BLTP1: variants seen among roughly 807,000 people sequenced by gnomAD.
The protein encoded by BLTP1 is bridge-like lipid transfer protein family member 1, also known as fragile site-associated protein.
the BLTP1 span, chr4:122,257,431 G>A: frequency 7.4e-6 from 12 of 1,613,916 alleles, no homozygotes; most frequent in South Asian, 5.5e-5. Context: ...GACTTGGATT[G>A]GACAATGGGG....
the BLTP1 span, among the ~76,000 whole-genome samples, chr4:122,213,268 C>G: frequency 1.3e-5 from 2 of 152,076 alleles, no homozygotes; most frequent in African/African-American, 4.8e-5. Flanking sequence ...CAAACTTCTT[C>G]CTGGCCTCAA....
At chr4:122,164,220 T>C in the BLTP1 span, among the ~76,000 whole-genome samples, 2 of 152,306 alleles carry the variant, frequency 1.3e-5, no homozygotes, top group African/African-American at 4.8e-5. Context: ...GAGACACCTA[T>C]ACCTTGGCCA....
At chr4:122,321,415 C>CAT in the BLTP1 span, among the ~76,000 whole-genome samples, 4 of 151,872 alleles carry the variant, frequency 2.6e-5, no homozygotes, top group African/African-American at 7.3e-5. Flanking sequence ...TGCGTGTGCA[C>CAT]ATATATACAC....
At chr4:122,342,039 G>A in the BLTP1 span, among the ~76,000 whole-genome samples, 3 of 152,204 alleles carry the variant, frequency 2.0e-5, no homozygotes, top group African/African-American at 7.2e-5. Context: ...GCCAACTCAT[G>A]TGGGAAAGCC....
the BLTP1 span, chr4:122,316,320 A>T: frequency 3.0e-5 from 13 of 432,688 alleles, 1 homozygote; most frequent in South Asian, 1.9e-4. Context: ...AAATTTTTTT[A>T]AATTTAATAT....
At chr4:122,345,579 A>C in the BLTP1 span, among the ~76,000 whole-genome samples, 1 of 148,082 alleles carries the variant, frequency 6.8e-6, no homozygotes, top group Admixed American at 6.7e-5. Context: ...AAAGCTGATA[A>C]AATAGGACCT....
At chr4:122,327,758 C>T in the BLTP1 span, 4 of 154,950 alleles carry the variant, frequency 2.6e-5, no homozygotes, top group African/African-American at 7.2e-5. Flanking sequence ...CATGCTCTTC[C>T]ATCACTAATT....
the BLTP1 span, among the ~76,000 whole-genome samples, chr4:122,324,822 A>T: frequency 6.6e-6 from 1 of 151,966 alleles, no homozygotes; most frequent in South Asian, 2.1e-4. Flanking sequence ...AGGATAGACA[A>T]GTTTTATGCG....
chr4:122,239,566 A>T, the BLTP1 span: 7 of 1,613,676 alleles, frequency 4.3e-6, no homozygotes, highest in Non-Finnish European at 5.9e-6. Flanking sequence ...AATACTCAGG[A>T]TAAGTCAGTA....
At chr4:122,220,536 A>G in the BLTP1 span, 7 of 1,335,390 alleles carry the variant, frequency 5.2e-6, no homozygotes, top group East Asian at 1.5e-4. Context: ...GGGTTAAAAC[A>G]ATGTATTAGC....
the BLTP1 span, chr4:122,239,962 A>C: frequency 6.2e-7 from 1 of 1,614,148 alleles, no homozygotes; most frequent in Non-Finnish European, 8.5e-7. Context: ...CAGCAGATTG[A>C]CTACAGTAGG....
the BLTP1 span, chr4:122,220,175 A>G: frequency 6.0e-6 from 2 of 333,316 alleles, no homozygotes; most frequent in Middle Eastern, 1.5e-3. Context: ...TAACGATCCT[A>G]CTGAGGTACA....
chr4:122,283,921 A>G, the BLTP1 span, among the ~76,000 whole-genome samples: 102 of 152,320 alleles, frequency 6.7e-4, no homozygotes, highest in Middle Eastern at 3.4e-3. Flanking sequence ...ACTAAACAAT[A>G]TTCAACCTTC....
At chr4:122,200,951 G>C in the BLTP1 span, 3 of 1,582,602 alleles carry the variant, frequency 1.9e-6, no homozygotes, top group South Asian at 1.2e-5. Context: ...TTCTAATGCT[G>C]TTCACACAGT....
chr4:122,258,698 C>T, the BLTP1 span: 1 of 1,611,784 alleles, frequency 6.2e-7, no homozygotes, highest in Non-Finnish European at 8.5e-7. Flanking sequence ...TGAACTGTTT[C>T]AGCCACAGTC....
At chr4:122,244,156 T>C in the BLTP1 span, 6 of 993,938 alleles carry the variant, frequency 6.0e-6, no homozygotes, top group Non-Finnish European at 8.2e-6. Flanking sequence ...TATGTTCATA[T>C]AGAAGATTAT....
At chr4:122,234,367 A>G in the BLTP1 span, 6 of 156,198 alleles carry the variant, frequency 3.8e-5, no homozygotes, top group African/African-American at 1.2e-4. Flanking sequence ...TGAGATGCTA[A>G]AGGTAATGAG....
chr4:122,346,443 G>A, the BLTP1 span: 1 of 984,516 alleles, frequency 1.0e-6, no homozygotes, highest in Non-Finnish European at 1.2e-6. Context: ...CTCAAAAAAG[G>A]GAAGTGGTAC....
chr4:122,288,324 G>T, the BLTP1 span, among the ~76,000 whole-genome samples: 3 of 152,026 alleles, frequency 2.0e-5, no homozygotes, highest in East Asian at 5.8e-4. Context: ...ATTCATAGCT[G>T]CATCCTTAGC....
Sources: gnomAD v4.1 joint callset for allele counts (sites outside exome capture counted in the v4.1 genomes callset) on GRCh38, gnomAD v4.1.1 for gene constraint, MANE v1.5 for transcripts, NCBI Gene and HGNC (gene_info 2026-07-23, HGNC 2026-07-21) for gene names.